The following KALRN variants were observed in gnomAD, a reference collection of about 807,000 sequenced individuals.
KALRN encodes kalirin.
Under a neutral mutation model 353.7 loss-of-function variants are expected in KALRN, and 70 were observed. That is an observed-to-expected ratio of 0.20 (90% confidence interval 0.16 to 0.24). The LOEUF is 0.24. Among genes scored for constraint, KALRN ranks in the 10% least tolerant of loss-of-function variants. The pLI, the probability that KALRN is intolerant of heterozygous loss-of-function variation, is 1.00. For missense variants in KALRN, 2,791 were observed against 3,756.7 expected, an observed-to-expected ratio of 0.74 and a Z score of 6.72; for synonymous variants, 1,391 against 1,434.8, an observed-to-expected ratio of 0.97 and a Z score of 0.69.
At chr3:124,466,586 T>C (rs1259367783) in intron 25 of KALRN, among the ~76,000 whole-genome samples, 2 of 152,224 alleles carry the variant, frequency 1.3e-5, no homozygotes, top group African/African-American at 4.8e-5. Context: ...TTTGGTTTTT[T>C]GGAGATAGGG....
At chr3:124,236,706 G>A (rs12634359) in intron 3 of KALRN, among the ~76,000 whole-genome samples, 2 of 152,120 alleles carry the variant, frequency 1.3e-5, no homozygotes, top group Non-Finnish European at 2.9e-5. Flanking sequence ...CAAAACAGAC[G>A]GGAAGCAATT....
intron 57 of KALRN, among the ~76,000 whole-genome samples, chr3:124,707,658 T>C (rs1169947924): frequency 1.3e-5 from 2 of 152,198 alleles, no homozygotes; most frequent in Admixed American, 1.3e-4. Context: ...GAGAACAGAA[T>C]AATTCATGCT....
At chr3:124,355,208 G>A (rs1382856107) in intron 10 of KALRN, among the ~76,000 whole-genome samples, 2 of 152,156 alleles carry the variant, frequency 1.3e-5, no homozygotes, top group Non-Finnish European at 2.9e-5. Flanking sequence ...TAGATGCAAG[G>A]ATATAGACTT....
rs372016114 is a variant in KALRN at position 124,337,752 on chromosome 3, G to A, written c.1647+3257G>A. On this transcript the variant is annotated intron_variant, in intron 9 of 59. Coordinates refer to ENST00000682506, the MANE Select transcript of KALRN (RefSeq NM_001388419.1). ...CCTCTTTGTATCTCTGTTAGAATTC[G>A]GCTGTGAATCCATCTGGTCCTGGAC... Among the ~76,000 whole-genome samples, 9 of 152,176 alleles carry A rather than the reference G, an allele frequency of 5.9e-5. No homozygotes were observed. In the South Asian group the frequency reaches 1.7e-3, roughly 28 times the overall value.
chr3:124,488,362 C>G (rs375820839), intron 29 of KALRN, 47 bp downstream of exon 29: 1 of 1,230,122 alleles, frequency 8.1e-7, no homozygotes, highest in Non-Finnish European at 1.2e-6. Context: ...TTCCTTGACA[C>G]GGGGGAGCTT....
chr3:124,141,342 A>G (rs1160478657), intron 1 of KALRN, among the ~76,000 whole-genome samples: 1 of 152,140 alleles, frequency 6.6e-6, no homozygotes, highest in Non-Finnish European at 1.5e-5. Context: ...AGCCTCGCCC[A>G]ACCCCACTTT....
At chr3:124,319,679 A>G (rs953626272) in intron 6 of KALRN, among the ~76,000 whole-genome samples, 1 of 151,726 alleles carries the variant, frequency 6.6e-6, no homozygotes. Flanking sequence ...AGTTCCCACC[A>G]TCATGTATAC....
intron 34 of KALRN, among the ~76,000 whole-genome samples, chr3:124,579,653 C>T (rs2074438083): frequency 6.6e-6 from 1 of 151,992 alleles, no homozygotes; most frequent in Non-Finnish European, 1.5e-5. Flanking sequence ...GGGAAACCTA[C>T]CTCTCTCTCT....
At chr3:124,717,413 G>T (rs767858454) in intron 59 of KALRN, 28 bp downstream of exon 59, 6 of 1,549,770 alleles carry the variant, frequency 3.9e-6, no homozygotes, top group South Asian at 1.2e-5. Flanking sequence ...CCTGCTGGGC[G>T]CAGTGGCTCA....
intron 34 of KALRN, among the ~76,000 whole-genome samples, chr3:124,577,713 C>A (rs1372868546): frequency 1.3e-5 from 2 of 151,902 alleles, no homozygotes; most frequent in African/African-American, 2.4e-5. Context: ...GTAGTGAGAC[C>A]CCATCTCTAT....
chr3:124,081,191 C>T (rs762331718), intron 1 of KALRN, among the ~76,000 whole-genome samples: 5 of 152,192 alleles, frequency 3.3e-5, no homozygotes, highest in South Asian at 2.1e-4. Flanking sequence ...GAAATGAGAA[C>T]GGCACACGTT....
intron 25 of KALRN, among the ~76,000 whole-genome samples, chr3:124,465,972 T>C (rs2060293790): frequency 6.6e-6 from 1 of 152,136 alleles, no homozygotes; most frequent in Admixed American, 6.5e-5. Context: ...CTAGATAGTA[T>C]TGATCTGTCT....
chr3:124,106,874 C>T (rs1416902839), intron 1 of KALRN, among the ~76,000 whole-genome samples: 2 of 152,094 alleles, frequency 1.3e-5, no homozygotes, highest in Admixed American at 1.3e-4. Flanking sequence ...ATGGAGAATT[C>T]ATGTGTTTGA....
chr3:124,337,727 C>A (rs146707818), intron 9 of KALRN, among the ~76,000 whole-genome samples: 2 of 152,296 alleles, frequency 1.3e-5, no homozygotes, highest in African/African-American at 4.8e-5. Context: ...GATACCAGCT[C>A]CTCTTTGTAT....
intron 1 of KALRN, among the ~76,000 whole-genome samples, chr3:124,102,014 G>T (rs982527759): frequency 3.3e-5 from 5 of 152,132 alleles, no homozygotes; most frequent in African/African-American, 1.2e-4. Flanking sequence ...AAAGCACGCA[G>T]CATGTGTATG....
chr3:124,208,206 A>C (rs1015309243), intron 1 of KALRN, among the ~76,000 whole-genome samples: 2 of 152,202 alleles, frequency 1.3e-5, no homozygotes, highest in Non-Finnish European at 1.5e-5. Context: ...CACATATGTA[A>C]CTAGAAGCAC....
rs1162277398 is a variant in KALRN, at chr3:124,446,168, G to C, written c.3321G>C (p.Leu1107=). 6.2e-7 allele frequency: 1 copy of C among 1,613,290 alleles called. No individual in the cohort carries two copies. The highest frequency in any genetic ancestry group is 8.5e-7 in the Non-Finnish European group (1 of 1,179,318). ...RGPEQQVKAI[L]SELLQRENRV... is the part of the protein sequence containing the mutation. ...CATCTCCTCTGCCCACAGCCATCCT[G>C]AGTGAGCTCCTGCAGAGGGAGAATC... Residue 1107 remains leucine, a synonymous_variant, in exon 20 of 60, where the codon CTG becomes CTC. Coordinates refer to ENST00000682506, the MANE Select transcript of KALRN (RefSeq NM_001388419.1).
chr3:124,699,583 G>C (rs1280314475), intron 55 of KALRN, among the ~76,000 whole-genome samples: 1 of 152,124 alleles, frequency 6.6e-6, no homozygotes, highest in Non-Finnish European at 1.5e-5. Context: ...TGTGTCCCCT[G>C]TAAATTCTGT....
chr3:124,721,425 T>G lies in KALRN; in HGVS notation c.*1955T>G, dbSNP rs960418212. ...CTCGACTAACCCCTATAGTCTTCATTTGGACCTTTATGTATTTACAAACAC... is the reference window on the plus strand; with the variant it reads ...CTCGACTAACCCCTATAGTCTTCATGTGGACCTTTATGTATTTACAAACAC... On this transcript the variant is annotated 3_prime_UTR_variant, in exon 60 of 60. Transcript: ENST00000682506. 1.3e-5 allele frequency: 2 copies of G among 152,194 alleles called. No homozygotes were observed. The highest frequency in any genetic ancestry group is 3.8e-4 in the East Asian group (2 of 5,202). 9.4% of individuals were successfully genotyped at this position (152,194 alleles called of 1,614,324 possible).
Sources: allele counts gnomAD v4.1 joint callset (sites outside exome capture counted in the v4.1 genomes callset), GRCh38; gene constraint gnomAD v4.1.1; transcripts MANE v1.5; gene names NCBI Gene and HGNC (gene_info 2026-07-23, HGNC 2026-07-21).